Variants in SHC3 observed in about 807,000 individuals in gnomAD.
The protein encoded by SHC3 is SHC-transforming protein 3.
In SHC3, 15 loss-of-function variants were observed where a neutral mutation model predicts 60.4. The ratio of observed to expected loss-of-function variants is 0.25; its 90% confidence interval spans 0.17 to 0.38. The LOEUF is 0.38. Among genes scored for constraint, SHC3 ranks in the 10% least tolerant of loss-of-function variants. SHC3 has a pLI of 1.00. For synonymous variants in SHC3, 294 were observed against 325.9 expected (o/e 0.90, Z 1.05); for missense variants, 677 against 786.1 (o/e 0.86, Z 1.66).
At chr9:89,093,540 A>G (rs1013488684) in intron 2 of SHC3, among the ~76,000 whole-genome samples, 24 of 151,996 alleles carry the variant, frequency 1.6e-4, no homozygotes, top group African/African-American at 5.6e-4. Flanking sequence ...AATTGATAAG[A>G]AAGTAGAGTC....
At chr9:89,035,819 C>A (rs1824562542) in intron 11 of SHC3, among the ~76,000 whole-genome samples, 1 of 79,976 alleles carries the variant, frequency 1.3e-5, no homozygotes, top group Admixed American at 1.5e-4. Flanking sequence ...AAGCAAAAAA[C>A]AAACAAACAA....
chr9:89,109,525 A>G (rs1371848378), intron 2 of SHC3: 5 of 985,388 alleles, frequency 5.1e-6, no homozygotes, highest in Non-Finnish European at 6.0e-6. Flanking sequence ...GTTGGAAGCC[A>G]GAAGTGACCT....
chr9:89,107,601 G>A (rs1165438282), intron 2 of SHC3, among the ~76,000 whole-genome samples: 1 of 152,220 alleles, frequency 6.6e-6, no homozygotes, highest in Non-Finnish European at 1.5e-5. Flanking sequence ...TCACCCCTCT[G>A]CAGGTGCAGG....
At chr9:89,140,182 C>T (rs1305910653) in intron 1 of SHC3, among the ~76,000 whole-genome samples, 1 of 152,150 alleles carries the variant, frequency 6.6e-6, no homozygotes, top group Non-Finnish European at 1.5e-5. Flanking sequence ...ACACAACACA[C>T]ATAAATACAT....
rs530414715 is a variant in SHC3 at position 89,131,189 on chromosome 9, C to T, written c.475-18563G>A. Among the ~76,000 whole-genome samples the T allele has an allele frequency of 2.0e-5, 3 of 152,114 alleles. No individual in the cohort carries two copies. In the East Asian group the frequency reaches 5.8e-4, roughly 29 times the overall value. On this transcript the variant is annotated intron_variant, in intron 1 of 11. Coordinates refer to ENST00000375835, the MANE Select transcript of SHC3 (RefSeq NM_016848.6). ...TTGACAAATTCCTGGACACATACAC[C>T]CTCCCAAGACTAAACAAGGAAGAAG...
intron 1 of SHC3, among the ~76,000 whole-genome samples, chr9:89,141,430 T>C (rs1054954088): frequency 6.6e-6 from 1 of 152,172 alleles, no homozygotes; most frequent in Non-Finnish European, 1.5e-5. Flanking sequence ...TAATCAAAAC[T>C]TTATGAAGGA....
chr9:89,155,192 C>T (rs1000678970), intron 1 of SHC3, among the ~76,000 whole-genome samples: 3 of 152,172 alleles, frequency 2.0e-5, no homozygotes, highest in South Asian at 2.1e-4. Context: ...TCTGGTTCGA[C>T]GGAGCCAGCC....
chr9:89,074,747 T>G (rs1313048808), intron 4 of SHC3, among the ~76,000 whole-genome samples: 2 of 147,740 alleles, frequency 1.4e-5, no homozygotes, highest in Non-Finnish European at 3.0e-5. Flanking sequence ...TGCCGTCCAC[T>G]TCAAAGGTAA....
At chr9:89,082,089 C>T (rs1825453900) in intron 2 of SHC3, among the ~76,000 whole-genome samples, 1 of 152,174 alleles carries the variant, frequency 6.6e-6, no homozygotes, top group Non-Finnish European at 1.5e-5. Context: ...TACTTGTCTC[C>T]TCTGAGATTC....
chr9:89,150,497 T>C (rs567692131), intron 1 of SHC3, among the ~76,000 whole-genome samples: 35 of 152,346 alleles, frequency 2.3e-4, no homozygotes, highest in African/African-American at 8.2e-4. Flanking sequence ...TTGCTTAGCA[T>C]AATGTTTTCA....
At chr9:89,017,060 TG>T (rs753425653) in intron 11 of SHC3, among the ~76,000 whole-genome samples, 1 of 152,172 alleles carries the variant, frequency 6.6e-6, no homozygotes, top group African/African-American at 2.4e-5. Context: ...ATCGTGAAAA[TG>T]GCCATCCTGT....
At position 89,035,300 on chromosome 9, in the gene SHC3, T is replaced by C. The variant is rs556288904; in HGVS notation, c.1656+2693A>G. 2.4e-4 allele frequency among the ~76,000 whole-genome samples: 36 copies of C among 152,328 alleles called. 1 individual carries two copies. Among genetic ancestry groups the C allele is most frequent in the Middle Eastern group, 6.8e-3 (2 of 294 alleles). On this transcript the variant is annotated intron_variant, in intron 11 of 11. Coordinates refer to ENST00000375835, the MANE Select transcript of SHC3 (RefSeq NM_016848.6). The stretch of plus-strand genomic sequence containing the variant: ...CTTCAAATTAATCTACATACATTCA[T>C]TGCAAGCCCTATTGAAATCCCAGCA...
At chr9:89,160,431 C>T (rs1268088820) in intron 1 of SHC3, among the ~76,000 whole-genome samples, 1 of 152,000 alleles carries the variant, frequency 6.6e-6, no homozygotes, top group Non-Finnish European at 1.5e-5. Context: ...ATTTTTTTTC[C>T]CCGTTCAACT....
chr9:89,119,816 C>A (rs1038962810), intron 1 of SHC3, among the ~76,000 whole-genome samples: 1 of 151,994 alleles, frequency 6.6e-6, no homozygotes, highest in Non-Finnish European at 1.5e-5. Context: ...CTTAAGAACA[C>A]AAAGAAATTT....
At chr9:89,152,294 G>A (rs200903738) in intron 1 of SHC3, among the ~76,000 whole-genome samples, 2 of 152,198 alleles carry the variant, frequency 1.3e-5, no homozygotes, top group East Asian at 3.9e-4. Context: ...CTCTCCCAGT[G>A]GTGGCCAGTT....
chr9:89,019,683 T>C (rs752507662), intron 11 of SHC3, among the ~76,000 whole-genome samples: 4 of 152,132 alleles, frequency 2.6e-5, no homozygotes, highest in Non-Finnish European at 5.9e-5. Context: ...GAAATAGGTA[T>C]AAATCTAACA....
intron 3 of SHC3, among the ~76,000 whole-genome samples, chr9:89,076,323 G>A (rs754219463): frequency 2.6e-5 from 4 of 152,138 alleles, no homozygotes; most frequent in Non-Finnish European, 5.9e-5. Flanking sequence ...CTGTGGGTGC[G>A]TGAAAGTCCC....
At chr9:89,074,870 G>A (rs1389969065) in intron 4 of SHC3, among the ~76,000 whole-genome samples, 1 of 149,492 alleles carries the variant, frequency 6.7e-6, no homozygotes, top group Non-Finnish European at 1.5e-5. Flanking sequence ...TTTTTACATT[G>A]CAAGTAAACC....
At chr9:89,129,976 A>C (rs992288366) in intron 1 of SHC3, among the ~76,000 whole-genome samples, 17 of 152,222 alleles carry the variant, frequency 1.1e-4, no homozygotes, top group African/African-American at 3.1e-4. Flanking sequence ...TTGGATAAAC[A>C]GTCAAGACCC....
Sources: allele counts gnomAD v4.1 joint callset (sites outside exome capture counted in the v4.1 genomes callset), GRCh38; gene constraint gnomAD v4.1.1; transcripts MANE v1.5; gene names NCBI Gene and HGNC (gene_info 2026-07-23, HGNC 2026-07-21).